ERBB4: variants seen among roughly 807,000 people sequenced by gnomAD.
ERBB4 encodes erb-b2 receptor tyrosine kinase 4.
A neutral mutation model predicts 158.0 loss-of-function variants in ERBB4; 42 were observed. That is an observed-to-expected ratio of 0.27 (90% CI 0.21 to 0.34). The LOEUF (loss-of-function observed/expected upper bound fraction) is 0.34. Among genes scored for constraint, ERBB4 ranks in the 10% least tolerant of loss-of-function variants. The probability of loss-of-function intolerance (pLI) is 1.00; values close to 1 mark genes in which losing one functional copy is unlikely to be tolerated. For missense variants in ERBB4, 1,333 were observed against 1,624.1 expected (o/e 0.82, Z 3.08); for synonymous variants, 583 against 558.7 (o/e 1.04, Z -0.61).
chr2:212,181,684 A>G (rs2081871330), intron 1 of ERBB4, among the ~76,000 whole-genome samples: 1 of 151,802 alleles, frequency 6.6e-6, no homozygotes, highest in African/African-American at 2.4e-5. Context: ...AATAAAAATC[A>G]AAACTAATAT....
Position 211,840,166 on chromosome 2 carries a change from G to T in ERBB4, c.422-52007C>A, listed in dbSNP as rs75948305. Among the ~76,000 whole-genome samples the T allele has an allele frequency of 3.4e-3, 513 of 152,008 alleles. 3 individuals are homozygous for T. The highest frequency in any genetic ancestry group is 0.011 in the African/African-American group (465 of 41,482). ...TGGTGGGACCTAACAGAATCATGGCGTGGGTCTTTCCTGTGCTGTTCTCAT... is the reference window on the plus strand; with the variant it reads ...TGGTGGGACCTAACAGAATCATGGCTTGGGTCTTTCCTGTGCTGTTCTCAT... On this transcript the variant is annotated intron_variant, in intron 3 of 27. Transcript: ENST00000342788.
chr2:212,051,148 C>T (rs1188976174), intron 2 of ERBB4, among the ~76,000 whole-genome samples: 1 of 152,166 alleles, frequency 6.6e-6, no homozygotes, highest in East Asian at 1.9e-4. Context: ...AATTAAAAGG[C>T]AGCTCTTCTA....
At chr2:212,207,604 G>C (rs1440259033) in intron 1 of ERBB4, among the ~76,000 whole-genome samples, 1 of 152,096 alleles carries the variant, frequency 6.6e-6, no homozygotes, top group African/African-American at 2.4e-5. Context: ...GTGAAAATTT[G>C]TTAGGGTTTT....
intron 1 of ERBB4, among the ~76,000 whole-genome samples, chr2:212,439,864 C>G (rs1034283600): frequency 2.0e-5 from 3 of 151,976 alleles, no homozygotes; most frequent in Admixed American, 6.6e-5. Context: ...TAAAAATGAG[C>G]TTATTTTACA....
At chr2:211,695,839 G>A (rs1299483898) in intron 12 of ERBB4, among the ~76,000 whole-genome samples, 1 of 152,010 alleles carries the variant, frequency 6.6e-6, no homozygotes, top group African/African-American at 2.4e-5. Context: ...CATTACATGT[G>A]TATATATGAA....
chr2:212,038,085 T>A (rs2077056103), intron 2 of ERBB4, among the ~76,000 whole-genome samples: 1 of 152,158 alleles, frequency 6.6e-6, no homozygotes, highest in African/African-American at 2.4e-5. Context: ...TATTATGGGA[T>A]AAACTTTCAG....
chr2:211,705,933 C>T (rs1024698444), intron 9 of ERBB4, among the ~76,000 whole-genome samples: 3 of 152,218 alleles, frequency 2.0e-5, no homozygotes, highest in Admixed American at 6.5e-5. Context: ...GTCCAGAAGT[C>T]TCTCTTCATA....
At chr2:211,517,996 T>C (rs1195529882) in intron 20 of ERBB4, among the ~76,000 whole-genome samples, 1 of 152,160 alleles carries the variant, frequency 6.6e-6, no homozygotes, top group Non-Finnish European at 1.5e-5. Flanking sequence ...CCTGGTCTTA[T>C]TGTACAAGTG....
chr2:212,015,109 TATAA>T (rs2076496855), intron 2 of ERBB4, among the ~76,000 whole-genome samples: 1 of 89,360 alleles, frequency 1.1e-5, no homozygotes, highest in African/African-American at 4.8e-5. Flanking sequence ...TATATATATA[TATAA>T]AAATTAGCCG....
chr2:212,285,372 T>C (rs1250927812), intron 1 of ERBB4, among the ~76,000 whole-genome samples: 1 of 136,320 alleles, frequency 7.3e-6, no homozygotes, highest in Non-Finnish European at 1.6e-5. Flanking sequence ...AAAGCACAGG[T>C]TGCTGAAGGG....
intron 3 of ERBB4, among the ~76,000 whole-genome samples, chr2:211,908,971 TG>T (rs1013151329): frequency 2.6e-5 from 4 of 151,664 alleles, no homozygotes; most frequent in Non-Finnish European, 5.9e-5. Context: ...ATGTTATAAC[TG>T]GTTTCTTATA....
rs185329268 is a variant in ERBB4 at position 212,015,385 on chromosome 2, C to A, written c.235-67769G>T. On this transcript the variant is annotated intron_variant, in intron 2 of 27. Transcript: ENST00000342788. ...TTTGTCTTCAGTGATTGGCCATTGT[C>A]CTTGGGATACAGTTTGAACCTATAT... 7.8e-4 allele frequency among the ~76,000 whole-genome samples: 118 copies of A among 152,086 alleles called. 1 individual carries two copies. Among genetic ancestry groups the A allele is most frequent in the African/African-American group, 2.5e-3 (104 of 41,494 alleles).
At chr2:211,856,581 G>A (rs527426968) in intron 3 of ERBB4, among the ~76,000 whole-genome samples, 1 of 151,756 alleles carries the variant, frequency 6.6e-6, no homozygotes, top group African/African-American at 2.4e-5. Context: ...TAGAGACGGG[G>A]TTTCACCGTG....
intron 19 of ERBB4, among the ~76,000 whole-genome samples, chr2:211,580,881 ATATATAT>A (rs2068077227): frequency 3.6e-4 from 1 of 2,802 alleles, no homozygotes; most frequent in African/African-American, 1.1e-3. Flanking sequence ...ATATATATAT[ATATATAT>A]ATATATATAT....
At chr2:212,494,610 G>C (rs1027759553) in intron 1 of ERBB4, among the ~76,000 whole-genome samples, 1 of 151,912 alleles carries the variant, frequency 6.6e-6, no homozygotes, top group Non-Finnish European at 1.5e-5. Context: ...ATTATAACCC[G>C]AATGGAACCA....
chr2:211,699,965 C>G (rs2073170821), intron 12 of ERBB4, among the ~76,000 whole-genome samples: 1 of 151,954 alleles, frequency 6.6e-6, no homozygotes, highest in Non-Finnish European at 1.5e-5. Context: ...CAAGTATAGA[C>G]AGATATATGA....
chr2:211,946,919 A>C (rs2080715080), intron 3 of ERBB4, among the ~76,000 whole-genome samples: 1 of 152,078 alleles, frequency 6.6e-6, no homozygotes. Flanking sequence ...GATGTTATTG[A>C]AGTATTCTGA....
intron 1 of ERBB4, among the ~76,000 whole-genome samples, chr2:212,345,973 A>T (rs1466160185): frequency 6.6e-6 from 1 of 152,182 alleles, no homozygotes; most frequent in Non-Finnish European, 1.5e-5. Context: ...TCTATTAAGA[A>T]ATTTAAGTTT....
intron 21 of ERBB4, 118 bp downstream of exon 21, chr2:211,430,827 A>G: frequency 3.3e-6 from 3 of 900,988 alleles, no homozygotes; most frequent in Non-Finnish European, 5.5e-6. Flanking sequence ...AAATGGTAGA[A>G]CCAAGGCTTA....
Sources: gnomAD v4.1 joint callset for allele counts (sites outside exome capture counted in the v4.1 genomes callset) on GRCh38, gnomAD v4.1.1 for gene constraint, MANE v1.5 for transcripts, NCBI Gene and HGNC (gene_info 2026-07-23, HGNC 2026-07-21) for gene names.